The following EP400 variants were observed in gnomAD, a reference collection of about 807,000 sequenced individuals.
EP400 encodes E1A-binding protein p400.
In EP400, 105 loss-of-function variants were observed where a neutral mutation model predicts 354.1. The ratio of observed to expected loss-of-function variants is 0.30; its 90% CI spans 0.25 to 0.35. The LOEUF is 0.35. Ranked by LOEUF, EP400 falls within the 10% of genes least tolerant of loss-of-function variation. The pLI is 1.00. For synonymous variants in EP400, 1,646 were observed against 1,716.9 expected (o/e 0.96, Z 1.02); for missense variants, 3,280 against 4,121.0 (o/e 0.80, Z 5.59).
chr12:131,965,223 A>C (rs190452512), intron 2 of EP400, among the ~76,000 whole-genome samples: 3 of 152,348 alleles, frequency 2.0e-5, no homozygotes, highest in Admixed American at 1.3e-4. Context: ...GGTGGTTTCT[A>C]CCAGGCCTGT....
At chr12:132,066,567 C>T (rs560021420) in intron 48 of EP400, 73 of 552,456 alleles carry the variant, frequency 1.3e-4, no homozygotes, top group Admixed American at 7.0e-4. Context: ...GCAGGTCTTG[C>T]GGGAGCTTCA....
At chr12:132,010,856 C>T (rs748940105) in intron 15 of EP400, among the ~76,000 whole-genome samples, 6 of 152,134 alleles carry the variant, frequency 3.9e-5, no homozygotes, top group Admixed American at 1.3e-4. Context: ...GCAGGAGAAT[C>T]GCTTGAACCT....
Position 132,043,654 on chromosome 12 carries a change from A to G in EP400, c.6376A>G (p.Ile2126Val), listed in dbSNP as rs780995411. ...TATACTTTTGGAACAGCTTACACCA[A>G]TTGAAAAATATGCTTTAAATTACCT... ...LADFMEQLTP[I>V]EKYALNYLEL... Residue 2126 changes from isoleucine (I) to valine (V), a missense_variant, in exon 34 of 53, where the codon ATT (isoleucine) becomes GTT (valine). Around this residue, in one of 20 missense-constraint regions of EP400, gnomAD observed 5 missense variants for 18.9 expected, o/e 0.26. Transcript: ENST00000389561. 1 of 1,610,278 alleles carries G rather than the reference A, an allele frequency of 6.2e-7. No homozygotes were observed. The highest frequency in any genetic ancestry group is 1.1e-5 in the South Asian group (1 of 89,534).
chr12:132,059,977 C>G (rs1895636881), intron 45 of EP400, among the ~76,000 whole-genome samples: 1 of 151,354 alleles, frequency 6.6e-6, no homozygotes, highest in Non-Finnish European at 1.5e-5. Context: ...GAGCCAAGAT[C>G]ACACCATTGC....
In EP400 at chr12:132,025,696, C is replaced by A; in HGVS notation, c.4906C>A (p.Pro1636Thr). Residue 1636 changes from proline (P) to threonine (T), a missense_variant, in exon 25 of 53, where the codon CCT becomes ACT. Transcript: ENST00000389561. The surrounding 1 kb of genome is among the most constrained non-coding windows in gnomAD (Gnocchi z 4.1). Reference protein sequence around the residue: ...SAPGQPYLRAPGPVVMQTVSQ... With the variant: ...SAPGQPYLRATGPVVMQTVSQ... The stretch of plus-strand genomic sequence containing the variant: ...CCCCGGGCAGCCCTACCTTCGAGCC[C>A]CTGGCCCTGTGGTGATGCAGACCGT... 1 of 1,613,434 alleles carries A rather than the reference C, an allele frequency of 6.2e-7. No individual in the cohort carries two copies. The highest frequency in any genetic ancestry group is 2.2e-5 in the East Asian group (1 of 44,860).
intron 27 of EP400, 84 bp downstream of exon 27, chr12:132,028,372 T>C: frequency 6.5e-7 from 1 of 1,528,166 alleles, no homozygotes; most frequent in Non-Finnish European, 8.9e-7. Flanking sequence ...TGGATGTACA[T>C]CTTACTCCCA....
chr12:131,991,347 G>C, intron 9 of EP400, 60 bp from the exon 10 acceptor site: 1 of 1,580,228 alleles, frequency 6.3e-7, no homozygotes, highest in Non-Finnish European at 8.7e-7. Context: ...CTGGAAAGCA[G>C]AGACGCCCTC....
chr12:132,069,549 G>T lies in EP400; in HGVS notation c.8929G>T (p.Ala2977Ser), dbSNP rs756238646. 4 of 1,614,220 alleles carry T rather than the reference G, an allele frequency of 2.5e-6. No individual in the cohort carries two copies. Among genetic ancestry groups the T allele is most frequent in the Non-Finnish European group, 2.5e-6 (3 of 1,180,028 alleles). Residue 2977 changes from alanine to serine, a missense_variant, in exon 51 of 53, where the codon GCG (alanine) becomes TCG (serine). Transcript: ENST00000389561. ...CGCGCAGCAGAAGGTTGCCTACGCC[G>T]CGCAGCCGGCCCTTAAGACCCAGTT... ...PGAQQKVAYA[A>S]QPALKTQFLT...
At chr12:131,950,378 G>C (rs1458464048) in intron 1 of EP400, among the ~76,000 whole-genome samples, 1 of 152,186 alleles carries the variant, frequency 6.6e-6, no homozygotes. Flanking sequence ...ACTCCGGCCC[G>C]CGCCTCCTGG....
intron 2 of EP400, among the ~76,000 whole-genome samples, chr12:131,975,558 T>C (rs1453458424): frequency 1.3e-5 from 2 of 152,106 alleles, no homozygotes; most frequent in African/African-American, 4.8e-5. Context: ...TTTTAAATTT[T>C]TTTTTCTTTT....
chr12:132,037,295 A>G (rs1203949036), intron 30 of EP400, among the ~76,000 whole-genome samples: 1 of 152,218 alleles, frequency 6.6e-6, no homozygotes, highest in African/African-American at 2.4e-5. Context: ...AGTGTTAACA[A>G]GCCAGTCTGT....
intron 32 of EP400, among the ~76,000 whole-genome samples, chr12:132,041,400 C>T (rs1894901891): frequency 2.0e-5 from 3 of 152,258 alleles, no homozygotes; most frequent in Admixed American, 2.0e-4. Flanking sequence ...CTCAGAAGGC[C>T]TGTCCCCCAG....
rs1018600456 is a variant in EP400 at position 132,020,208 on chromosome 12, G to A, written c.4437G>A (p.Pro1479=). 2.6e-5 allele frequency: 41 copies of A among 1,602,566 alleles called. No homozygotes were observed. The highest frequency in any genetic ancestry group is 1.8e-4 in the South Asian group (16 of 89,054). The part of the protein sequence containing the change: ...RPPIATFSAN[P]EAKAAAAPFQ... ...CCATCGCCACGTTCTCTGCCAATCC[G>A]GAGGCAAAAGGTAGACTTCACGTAG... is the stretch of plus-strand genomic sequence containing the variant. The change falls in exon 22 of 53, where the codon CCG becomes CCA. Residue 1479 remains proline, a synonymous_variant. Transcript: ENST00000389561.
chr12:132,057,643 A>G (rs1051883509), intron 45 of EP400, among the ~76,000 whole-genome samples: 1 of 152,212 alleles, frequency 6.6e-6, no homozygotes, highest in Non-Finnish European at 1.5e-5. Flanking sequence ...TAGAATATAT[A>G]TACACACAGT....
At chr12:132,055,245 G>A (rs771220688) in intron 45 of EP400, 37 bp downstream of exon 45, 2 of 1,436,396 alleles carry the variant, frequency 1.4e-6, no homozygotes, top group Non-Finnish European at 1.9e-6. Flanking sequence ...CACCTTGACT[G>A]CATTCTGCCG....
At chr12:131,969,327 A>G (rs1319460920) in intron 2 of EP400, among the ~76,000 whole-genome samples, 1 of 152,214 alleles carries the variant, frequency 6.6e-6, no homozygotes, top group Admixed American at 6.5e-5. Flanking sequence ...CAGAACACAC[A>G]GATCTTCAGT....
At position 131,961,917 on chromosome 12, in the gene EP400, A is replaced by G. The variant is rs777948409; in HGVS notation, c.1298A>G (p.Glu433Gly). ...ATTGAAGAAGAGGAGGAGGAGGAGG[A>G]AGAGGAGGAAGAAAAATCTGAGGTT... The part of the protein sequence containing the change: ...LDIEEEEEEE[E>G]EEEEKSEVIN... The change falls in exon 2 of 53, where the codon GAA becomes GGA. Residue 433 changes from glutamate (E) to glycine (G), a missense_variant. Glu to Gly is a moderately conservative substitution (Grantham distance 98). Around this residue, in one of 20 missense-constraint regions of EP400, gnomAD observed 800 missense variants for 840.0 expected, o/e 0.95. Coordinates refer to ENST00000389561, the MANE Select transcript of EP400 (RefSeq NM_015409.5). 1 of 1,613,496 alleles carries G rather than the reference A, an allele frequency of 6.2e-7. No individual in the cohort carries two copies. The highest frequency in any genetic ancestry group is 8.5e-7 in the Non-Finnish European group (1 of 1,179,706).
intron 45 of EP400, among the ~76,000 whole-genome samples, chr12:132,055,597 TA>T (rs1278848018): frequency 3.8e-5 from 4 of 105,210 alleles, no homozygotes; most frequent in African/African-American, 1.1e-4. Flanking sequence ...ATGTGTGGTA[TA>T]GGGGTGTGTG....
At chr12:132,042,660 C>G (rs1894953567) in intron 32 of EP400, among the ~76,000 whole-genome samples, 1 of 152,172 alleles carries the variant, frequency 6.6e-6, no homozygotes, top group Admixed American at 6.5e-5. Context: ...TTTGTATCTT[C>G]TAACTAAAAA....
Sources: gnomAD v4.1 joint callset for allele counts (sites outside exome capture counted in the v4.1 genomes callset) on GRCh38, gnomAD v4.1.1 for gene constraint, gnomAD v4.1.1 regional missense constraint, Gnocchi (gnomAD v3.1) non-coding constraint, MANE v1.5 for transcripts, NCBI Gene and HGNC (gene_info 2026-07-23, HGNC 2026-07-21) for gene names.